Variants in PKHD1 observed in about 807,000 individuals in gnomAD.
The protein encoded by PKHD1 is fibrocystin.
A neutral mutation model predicts 412.0 loss-of-function variants in PKHD1; 291 were observed. The observed-to-expected ratio is 0.71, with a 90% CI of 0.64 to 0.78. PKHD1 has a LOEUF of 0.78. PKHD1 is among the 30% of genes least tolerant of loss of function. The pLI, the probability that PKHD1 is intolerant of heterozygous loss-of-function variation, is 0.00. For synonymous variants in PKHD1, 1,777 were observed against 1,821.5 expected, an observed-to-expected ratio of 0.98 and a Z score of 0.62; for missense variants, 4,825 against 4,950.7, an observed-to-expected ratio of 0.97 and a Z score of 0.76.
intron 35 of PKHD1, among the ~76,000 whole-genome samples, chr6:51,989,076 A>G (rs1796556325): frequency 6.6e-6 from 1 of 152,248 alleles, no homozygotes. Context: ...CTTTATATCC[A>G]ATACGATCCT....
intron 37 of PKHD1, 133 bp from the exon 38 acceptor site, chr6:51,912,709 A>G (rs1783150143): frequency 1.4e-6 from 1 of 712,616 alleles, no homozygotes. Flanking sequence ...AGCAAGCTTC[A>G]GGATAGGTAA....
chr6:51,889,277 A>C (rs1778734440), intron 43 of PKHD1, among the ~76,000 whole-genome samples: 1 of 152,144 alleles, frequency 6.6e-6, no homozygotes, highest in Non-Finnish European at 1.5e-5. Context: ...ATGGGGAGTC[A>C]TAAGGACCAT....
At chr6:51,626,896 A>T in intron 66 of PKHD1, 101 bp downstream of exon 66, 2 of 1,271,230 alleles carry the variant, frequency 1.6e-6, no homozygotes, top group Non-Finnish European at 2.3e-6. Context: ...AGAAGGGGCT[A>T]TAAACCAAAT....
intron 60 of PKHD1, among the ~76,000 whole-genome samples, chr6:51,690,446 A>G (rs73440995): frequency 4.6e-4 from 70 of 152,342 alleles, no homozygotes; most frequent in African/African-American, 1.6e-3. Context: ...TCAAAACAGC[A>G]TAGTACTGGT....
At chr6:51,970,520 T>C (rs1248503235) in intron 35 of PKHD1, among the ~76,000 whole-genome samples, 3 of 152,226 alleles carry the variant, frequency 2.0e-5, no homozygotes, top group African/African-American at 7.2e-5. Context: ...CATAAATACT[T>C]TGCCTAGGCC....
intron 45 of PKHD1, among the ~76,000 whole-genome samples, chr6:51,885,356 T>C (rs1778045003): frequency 6.6e-6 from 1 of 152,214 alleles, no homozygotes; most frequent in Non-Finnish European, 1.5e-5. Context: ...TGAGCTAGAA[T>C]GTTTGTGTAT....
chr6:51,898,254 A>G (rs1011757755), intron 43 of PKHD1, among the ~76,000 whole-genome samples: 4 of 150,500 alleles, frequency 2.7e-5, no homozygotes, highest in African/African-American at 9.7e-5. Flanking sequence ...AATTGACCAC[A>G]TACTTGGAAG....
intron 11 of PKHD1, among the ~76,000 whole-genome samples, chr6:52,067,236 C>G (rs1809872979): frequency 6.6e-6 from 1 of 152,188 alleles, no homozygotes; most frequent in African/African-American, 2.4e-5. Context: ...TAATAACCCC[C>G]TGCTTTTAAC....
chr6:51,798,393 G>A (rs1404319238), intron 52 of PKHD1, among the ~76,000 whole-genome samples: 1 of 151,744 alleles, frequency 6.6e-6, no homozygotes, highest in Non-Finnish European at 1.5e-5. Context: ...AAATAAGAAA[G>A]AAAGAAAAAG....
At chr6:51,939,047 G>A (rs138754037) in intron 36 of PKHD1, among the ~76,000 whole-genome samples, 7,091 of 151,508 alleles carry the variant, frequency 0.047, 423 homozygotes, top group African/African-American at 0.11. Flanking sequence ...TTAATCATGC[G>A]GGGATGTCTG....
intron 52 of PKHD1, among the ~76,000 whole-genome samples, chr6:51,821,706 T>TTTTG (rs573765109): frequency 2.0e-4 from 31 of 152,310 alleles, no homozygotes; most frequent in South Asian, 4.1e-4. Context: ...TGATTTCATT[T>TTTTG]TTTGTTTGTT....
intron 27 of PKHD1, among the ~76,000 whole-genome samples, chr6:52,036,536 C>T (rs111887218): frequency 5.6e-4 from 85 of 152,294 alleles, no homozygotes; most frequent in Admixed American, 2.5e-3. Flanking sequence ...CCTTACCCCC[C>T]CTTGAGGGTG....
intron 36 of PKHD1, among the ~76,000 whole-genome samples, chr6:51,959,028 T>G (rs571505390): frequency 1.1e-4 from 17 of 152,250 alleles, no homozygotes; most frequent in African/African-American, 3.1e-4. Context: ...GTATTAAAAT[T>G]CCATTAGTTT....
At chr6:52,029,492 G>T (rs905087171) in intron 29 of PKHD1, among the ~76,000 whole-genome samples, 1 of 152,188 alleles carries the variant, frequency 6.6e-6, no homozygotes, top group Non-Finnish European at 1.5e-5. Context: ...TACAAGAGAG[G>T]TGGAAATTAA....
intron 60 of PKHD1, among the ~76,000 whole-genome samples, chr6:51,692,750 T>C (rs1226015649): frequency 1.3e-5 from 2 of 150,910 alleles, no homozygotes; most frequent in Non-Finnish European, 3.0e-5. Flanking sequence ...AAAGCTAAGT[T>C]TTCTTATGGT....
At chr6:51,700,942 C>A (rs1026204851) in intron 60 of PKHD1, among the ~76,000 whole-genome samples, 3 of 152,060 alleles carry the variant, frequency 2.0e-5, no homozygotes, top group African/African-American at 7.2e-5. Context: ...TGGTTCTAAA[C>A]CCCAGCCAAT....
chr6:51,843,512 TG>T (rs1770596044), intron 50 of PKHD1, among the ~76,000 whole-genome samples: 1 of 152,094 alleles, frequency 6.6e-6, no homozygotes, highest in African/African-American at 2.4e-5. Context: ...AAAGAGGCAG[TG>T]GGAAACTGGC....
At chr6:51,863,667 A>T (rs952129593) in intron 48 of PKHD1, among the ~76,000 whole-genome samples, 3 of 152,182 alleles carry the variant, frequency 2.0e-5, no homozygotes, top group Non-Finnish European at 4.4e-5. Flanking sequence ...AAAAGCCCAG[A>T]GAAGATTATG....
intron 37 of PKHD1, among the ~76,000 whole-genome samples, chr6:51,920,439 C>T (rs573375354): frequency 3.9e-5 from 6 of 152,138 alleles, no homozygotes; most frequent in African/African-American, 7.2e-5. Context: ...TATTGATTTG[C>T]GTATATTGAA....
Sources: allele counts gnomAD v4.1 joint callset (sites outside exome capture counted in the v4.1 genomes callset), GRCh38; gene constraint gnomAD v4.1.1; transcripts MANE v1.5; gene names NCBI Gene and HGNC (gene_info 2026-07-23, HGNC 2026-07-21).